The following GALNT13 variants were observed in gnomAD, a reference collection of about 807,000 sequenced individuals.
GALNT13 encodes UDP-GalNAc:polypeptide N-acetylgalactosaminyltransferase 13.
GALNT13 carries 28 observed loss-of-function variants against 64.2 expected under a neutral mutation model. The observed-to-expected ratio is 0.44, with a 90% CI of 0.32 to 0.60. GALNT13 has a LOEUF of 0.60. Ranked by LOEUF, GALNT13 falls within the 20% of genes least tolerant of loss-of-function variation. The pLI is 0.05. For synonymous variants in GALNT13, 214 were observed against 224.6 expected (o/e 0.95, Z 0.42); for missense variants, 577 against 669.8 (o/e 0.86, Z 1.53).
At chr2:154,330,745 T>A (rs1208797754) in intron 9 of GALNT13, among the ~76,000 whole-genome samples, 2 of 152,130 alleles carry the variant, frequency 1.3e-5, no homozygotes, top group Non-Finnish European at 2.9e-5. Context: ...AACCCAAGTT[T>A]ACAGTGGGTT....
At chr2:153,185,168 G>T in the GALNT13 span, among the ~76,000 whole-genome samples, 2 of 152,066 alleles carry the variant, frequency 1.3e-5, no homozygotes, top group Non-Finnish European at 2.9e-5. Context: ...AGGGATTTAA[G>T]TTCTTTCTGG....
chr2:154,423,931 CTG>C (rs1700361679), intron 11 of GALNT13, among the ~76,000 whole-genome samples: 1 of 152,128 alleles, frequency 6.6e-6, no homozygotes, highest in African/African-American at 2.4e-5. Flanking sequence ...GGGAATGACA[CTG>C]TACCTTTGAG....
At chr2:153,349,306 A>G in the GALNT13 span, among the ~76,000 whole-genome samples, 1 of 152,226 alleles carries the variant, frequency 6.6e-6, no homozygotes, top group African/African-American at 2.4e-5. Flanking sequence ...AGGATAAAGG[A>G]TGCATTTGAT....
chr2:153,680,163 AG>A, the GALNT13 span, among the ~76,000 whole-genome samples: 3 of 151,904 alleles, frequency 2.0e-5, no homozygotes. Context: ...AAATGAATAT[AG>A]GGGATGTGAA....
At chr2:154,406,731 CTATT>C (rs551778857) in intron 10 of GALNT13, among the ~76,000 whole-genome samples, 127 of 152,188 alleles carry the variant, frequency 8.3e-4, no homozygotes, top group African/African-American at 2.9e-3. Flanking sequence ...TATTACAAAT[CTATT>C]TATTTGTTGC....
intron 3 of GALNT13, among the ~76,000 whole-genome samples, chr2:154,106,888 C>T (rs965912360): frequency 2.0e-5 from 3 of 151,934 alleles, no homozygotes; most frequent in African/African-American, 7.3e-5. Flanking sequence ...AAATTTGATC[C>T]CCAGTGTTTT....
At chr2:154,337,872 G>A (rs1695544178) in intron 9 of GALNT13, among the ~76,000 whole-genome samples, 1 of 151,972 alleles carries the variant, frequency 6.6e-6, no homozygotes, top group Non-Finnish European at 1.5e-5. Flanking sequence ...TGGTTGGAGA[G>A]AAAGCTCATT....
intron 3 of GALNT13, among the ~76,000 whole-genome samples, chr2:153,954,767 A>G (rs955823980): frequency 6.6e-6 from 1 of 152,102 alleles, no homozygotes; most frequent in Non-Finnish European, 1.5e-5. Context: ...TGGAAAGATT[A>G]TTTAAATTCC....
At chr2:154,118,759 A>G (rs1434216026) in intron 3 of GALNT13, among the ~76,000 whole-genome samples, 1 of 151,936 alleles carries the variant, frequency 6.6e-6, no homozygotes, top group African/African-American at 2.4e-5. Flanking sequence ...CATGTTGTTT[A>G]CTAGAACATC....
intron 9 of GALNT13, among the ~76,000 whole-genome samples, chr2:154,351,140 T>G (rs931990737): frequency 5.9e-5 from 9 of 152,060 alleles, no homozygotes; most frequent in Non-Finnish European, 1.2e-4. Context: ...GAGGAGGCCC[T>G]GAAGGACTTG....
the GALNT13 span, among the ~76,000 whole-genome samples, chr2:153,821,275 C>G: frequency 6.6e-6 from 1 of 152,142 alleles, no homozygotes; most frequent in Non-Finnish European, 1.5e-5. Flanking sequence ...CACCCATTAA[C>G]CACAGAATAT....
intron 9 of GALNT13, among the ~76,000 whole-genome samples, chr2:154,312,892 G>A (rs1270020320): frequency 2.6e-5 from 4 of 152,076 alleles, no homozygotes; most frequent in Non-Finnish European, 4.4e-5. Flanking sequence ...TTATTAGCTT[G>A]ACAGTTAAAA....
the GALNT13 span, among the ~76,000 whole-genome samples, chr2:153,104,243 T>G: frequency 6.6e-6 from 1 of 152,214 alleles, no homozygotes; most frequent in African/African-American, 2.4e-5. Context: ...CATCATTTCT[T>G]GTGTTTTCTT....
At chr2:154,450,247 ATAAT>A (rs1246588971) in intron 12 of GALNT13, among the ~76,000 whole-genome samples, 160 bp from the exon 13 acceptor site, 2 of 152,112 alleles carry the variant, frequency 1.3e-5, no homozygotes, top group Admixed American at 1.3e-4. Flanking sequence ...AAGATGTATA[ATAAT>A]TAATCCAGGG....
At chr2:153,462,095 A>C in the GALNT13 span, among the ~76,000 whole-genome samples, 1 of 152,074 alleles carries the variant, frequency 6.6e-6, no homozygotes, top group Admixed American at 6.6e-5. Context: ...TGGAATAGAT[A>C]GAGATTTTCA....
the GALNT13 span, among the ~76,000 whole-genome samples, chr2:153,408,658 G>GT: frequency 1.3e-5 from 2 of 149,026 alleles, no homozygotes; most frequent in Non-Finnish European, 1.5e-5. Flanking sequence ...TTTTGTTTTT[G>GT]TTTTTGTTTT....
chr2:153,303,202 T>C, the GALNT13 span, among the ~76,000 whole-genome samples: 2 of 152,238 alleles, frequency 1.3e-5, no homozygotes, highest in South Asian at 4.1e-4. Flanking sequence ...TACTTGCATT[T>C]TCTTCCATTT....
chr2:153,345,721 C>CTTT, the GALNT13 span, among the ~76,000 whole-genome samples: 14 of 108,298 alleles, frequency 1.3e-4, no homozygotes, highest in African/African-American at 3.5e-4. Flanking sequence ...CTCTTTCTGT[C>CTTT]CTTCCTTCCT....
intron 9 of GALNT13, among the ~76,000 whole-genome samples, chr2:154,319,125 T>C (rs549451594): frequency 6.6e-6 from 1 of 152,316 alleles, no homozygotes; most frequent in South Asian, 2.1e-4. Flanking sequence ...CCCACGTTAA[T>C]TGTTTATATT....
Sources: gnomAD v4.1 joint callset for allele counts (sites outside exome capture counted in the v4.1 genomes callset) on GRCh38, gnomAD v4.1.1 for gene constraint, MANE v1.5 for transcripts, NCBI Gene and HGNC (gene_info 2026-07-23, HGNC 2026-07-21) for gene names.